LAMA2: variants seen among roughly 807,000 people sequenced by gnomAD.
The protein encoded by LAMA2 is laminin subunit alpha 2, also known as laminin subunit alpha-2.
A neutral mutation model predicts 364.8 loss-of-function variants in LAMA2; 269 were observed. The observed-to-expected ratio is 0.74, with a 90% CI of 0.67 to 0.82. The LOEUF (loss-of-function observed/expected upper bound fraction) is 0.82. Among genes scored for constraint, LAMA2 ranks in the 40% least tolerant of loss-of-function variants. The probability of loss-of-function intolerance (pLI) is 0.00; values close to 1 mark genes in which losing one functional copy is unlikely to be tolerated. For synonymous variants in LAMA2, 1,379 were observed against 1,370.6 expected (o/e 1.01, Z -0.14); for missense variants, 3,807 against 3,873.2 (o/e 0.98, Z 0.45).
intron 1 of LAMA2, among the ~76,000 whole-genome samples, chr6:128,917,735 T>TTTTTTTC: frequency 8.8e-6 from 1 of 114,224 alleles, no homozygotes; most frequent in African/African-American, 3.9e-5. Context: ...TCTTTCTTTC[T>TTTTTTTC]TTTTTTTTTT....
intron 1 of LAMA2, among the ~76,000 whole-genome samples, chr6:129,014,976 AAATAT>A (rs1454357222): frequency 6.6e-6 from 1 of 152,114 alleles, no homozygotes; most frequent in Non-Finnish European, 1.5e-5. Context: ...TAGAGCTTTG[AAATAT>A]AACTAAGAAA....
intron 17 of LAMA2, among the ~76,000 whole-genome samples, chr6:129,279,596 C>G (rs1352150092): frequency 1.3e-5 from 2 of 152,072 alleles, no homozygotes; most frequent in African/African-American, 4.8e-5. Flanking sequence ...ACAGGCACGC[C>G]CCACTATGGC....
chr6:129,095,031 G>A (rs1775084673), intron 3 of LAMA2, among the ~76,000 whole-genome samples: 1 of 152,154 alleles, frequency 6.6e-6, no homozygotes. Context: ...CAGTGATTTT[G>A]GCTATCCAAC....
chr6:129,253,506 C>T (rs1369062493), intron 14 of LAMA2, among the ~76,000 whole-genome samples: 1 of 152,206 alleles, frequency 6.6e-6, no homozygotes, highest in Non-Finnish European at 1.5e-5. Flanking sequence ...AACAATGTAC[C>T]TCTTTTGCAT....
intron 40 of LAMA2, among the ~76,000 whole-genome samples, chr6:129,404,567 C>CTTTA (rs1352414316): frequency 6.6e-6 from 1 of 152,056 alleles, no homozygotes; most frequent in Non-Finnish European, 1.5e-5. Context: ...GGTGACAAAT[C>CTTTA]TTTATGCTTT....
chr6:129,024,917 G>A (rs1785700189), intron 1 of LAMA2, among the ~76,000 whole-genome samples: 1 of 151,942 alleles, frequency 6.6e-6, no homozygotes, highest in Admixed American at 6.6e-5. Context: ...CCTATGAATA[G>A]CCACTGCACT....
chr6:129,388,695 GCA>G (rs1037864442), intron 35 of LAMA2, among the ~76,000 whole-genome samples: 10 of 151,122 alleles, frequency 6.6e-5, no homozygotes, highest in East Asian at 3.9e-4. Flanking sequence ...ACACACGCGC[GCA>G]CACACACATA....
intron 29 of LAMA2, among the ~76,000 whole-genome samples, chr6:129,340,741 G>A (rs1432735197): frequency 1.3e-5 from 2 of 150,204 alleles, no homozygotes; most frequent in Non-Finnish European, 3.0e-5. Context: ...GGAAGGTGAG[G>A]CAGGAGAATC....
At chr6:128,990,898 T>C (rs945827853) in intron 1 of LAMA2, among the ~76,000 whole-genome samples, 19 of 152,290 alleles carry the variant, frequency 1.2e-4, no homozygotes, top group African/African-American at 4.3e-4. Flanking sequence ...TCAGCACATG[T>C]CCCTGTATTT....
At position 129,328,271 on chromosome 6, in the gene LAMA2, CT is replaced by C. The variant is rs748211069; in HGVS notation, c.4177-4del. 11 of 1,613,814 alleles carry C rather than the reference CT, an allele frequency of 6.8e-6. No homozygotes were observed. The highest frequency in any genetic ancestry group is 9.3e-6 in the Non-Finnish European group (11 of 1,179,852). ...TTGCTGTCCTAATTGGCTTCCTTTT[CT>C]TTCAGGCATGCTTGCCGGGATTTTA... On this transcript the variant is annotated splice_region_variant and splice_polypyrimidine_tract_variant and intron_variant, in intron 28 of 64. Transcript: ENST00000421865.
At chr6:129,451,081 A>G (rs1782652122) in intron 45 of LAMA2, among the ~76,000 whole-genome samples, 1 of 152,080 alleles carries the variant, frequency 6.6e-6, no homozygotes, top group African/African-American at 2.4e-5. Context: ...TTTTATCTCT[A>G]ATCCCTTGGA....
At chr6:129,289,654 A>G (rs1455804600) in intron 19 of LAMA2, among the ~76,000 whole-genome samples, 1 of 151,970 alleles carries the variant, frequency 6.6e-6, no homozygotes, top group Non-Finnish European at 1.5e-5. Context: ...ATGGTAATTA[A>G]TTATTATTTT....
intron 14 of LAMA2, among the ~76,000 whole-genome samples, chr6:129,255,414 A>T (rs1786584136): frequency 6.8e-6 from 1 of 146,750 alleles, no homozygotes. Context: ...TCAAAAAAAA[A>T]AAAAAAAAAA....
chr6:129,480,371 A>G (rs1007790879), intron 54 of LAMA2, among the ~76,000 whole-genome samples: 1 of 152,184 alleles, frequency 6.6e-6, no homozygotes, highest in Non-Finnish European at 1.5e-5. Flanking sequence ...GCTTAAATAA[A>G]TACTAGCAAA....
At chr6:129,051,691 TAG>T (rs1336393675) in intron 2 of LAMA2, among the ~76,000 whole-genome samples, 12 of 97,340 alleles carry the variant, frequency 1.2e-4, no homozygotes, top group Non-Finnish European at 1.9e-4. Context: ...TCTATATCTA[TAG>T]ATCGATCTAT....
At chr6:129,402,617 C>A in intron 39 of LAMA2, 130 bp downstream of exon 39, 3 of 920,800 alleles carry the variant, frequency 3.3e-6, no homozygotes, top group Admixed American at 2.0e-5. Context: ...GCTATATGGC[C>A]TTTCTGTGGA....
intron 1 of LAMA2, among the ~76,000 whole-genome samples, chr6:129,041,179 C>T (rs1787063985): frequency 6.6e-6 from 1 of 152,196 alleles, no homozygotes; most frequent in South Asian, 2.1e-4. Context: ...CCTAGAGGAA[C>T]ATTGCCTGAA....
At chr6:129,293,808 A>G (rs1356786902) in intron 20 of LAMA2, among the ~76,000 whole-genome samples, 1 of 152,196 alleles carries the variant, frequency 6.6e-6, no homozygotes, top group Non-Finnish European at 1.5e-5. Context: ...AAAGTAAAGA[A>G]GAAGAAGTAA....
At chr6:129,033,203 A>G (rs1216621636) in intron 1 of LAMA2, among the ~76,000 whole-genome samples, 1 of 151,198 alleles carries the variant, frequency 6.6e-6, no homozygotes, top group African/African-American at 2.5e-5. Context: ...CTGAGGAACG[A>G]TAATAGTTAC....
Sources: allele counts gnomAD v4.1 joint callset (sites outside exome capture counted in the v4.1 genomes callset), GRCh38; gene constraint gnomAD v4.1.1; transcripts MANE v1.5; gene names NCBI Gene and HGNC (gene_info 2026-07-23, HGNC 2026-07-21).